Variants in CNTN4 observed in about 807,000 individuals in gnomAD.
CNTN4 encodes contactin-4.
A neutral mutation model predicts 122.5 loss-of-function variants in CNTN4; 77 were observed. That is an observed-to-expected ratio of 0.63 (90% CI 0.52 to 0.76). The LOEUF (loss-of-function observed/expected upper bound fraction) is 0.76. Among genes scored for constraint, CNTN4 ranks in the 30% least tolerant of loss-of-function variants. The pLI is 0.00. For synonymous variants in CNTN4, 512 were observed against 447.0 expected (o/e 1.15, Z -1.83); for missense variants, 1,256 against 1,259.1 (o/e 1.00, Z 0.04).
At chr3:2,396,925 C>A (rs2150934827) in intron 3 of CNTN4, among the ~76,000 whole-genome samples, 2 of 152,214 alleles carry the variant, frequency 1.3e-5, no homozygotes, top group Middle Eastern at 6.8e-3. Context: ...GGATATTCAA[C>A]CCAACAAACT....
intron 2 of CNTN4, among the ~76,000 whole-genome samples, chr3:2,157,599 G>C (rs1366256895): frequency 6.6e-6 from 1 of 152,150 alleles, no homozygotes; most frequent in African/African-American, 2.4e-5. Flanking sequence ...AGGTATTTAA[G>C]ATATGAATGT....
chr3:2,732,947 T>C (rs373420795), intron 4 of CNTN4, among the ~76,000 whole-genome samples: 5 of 152,184 alleles, frequency 3.3e-5, no homozygotes, highest in Non-Finnish European at 7.4e-5. Context: ...TGGTTAACTA[T>C]GAGAAAATAA....
intron 2 of CNTN4, among the ~76,000 whole-genome samples, chr3:2,170,494 A>G (rs976358642): frequency 7.2e-5 from 11 of 152,120 alleles, no homozygotes; most frequent in Non-Finnish European, 1.5e-4. Flanking sequence ...AAGTAAACAC[A>G]CTCTCCTCCT....
At chr3:2,849,396 G>T (rs527808592) in intron 7 of CNTN4, among the ~76,000 whole-genome samples, 1 of 152,300 alleles carries the variant, frequency 6.6e-6, no homozygotes, top group East Asian at 1.9e-4. Context: ...ACTTACAAAT[G>T]ATTAAAATGG....
intron 13 of CNTN4, among the ~76,000 whole-genome samples, chr3:2,930,985 A>G (rs2094515392): frequency 6.6e-6 from 1 of 152,226 alleles, no homozygotes; most frequent in Non-Finnish European, 1.5e-5. Flanking sequence ...GAGGCCTTGT[A>G]TTTTATGTCT....
At chr3:2,445,959 A>G (rs2048611385) in intron 3 of CNTN4, among the ~76,000 whole-genome samples, 1 of 152,108 alleles carries the variant, frequency 6.6e-6, no homozygotes, top group Non-Finnish European at 1.5e-5. Context: ...ACTACATCCT[A>G]TTCTTTTTTC....
At chr3:2,260,422 A>T (rs893148867) in intron 2 of CNTN4, among the ~76,000 whole-genome samples, 1 of 152,140 alleles carries the variant, frequency 6.6e-6, no homozygotes, top group Non-Finnish European at 1.5e-5. Flanking sequence ...AATAAATGTG[A>T]AAATGTACAT....
intron 13 of CNTN4, among the ~76,000 whole-genome samples, chr3:2,944,428 T>C (rs929211353): frequency 6.6e-6 from 1 of 152,188 alleles, no homozygotes; most frequent in African/African-American, 2.4e-5. Context: ...ATTCATTTTC[T>C]TTCTGATAAT....
At chr3:2,819,137 C>T (rs2092807315) in intron 6 of CNTN4, among the ~76,000 whole-genome samples, 1 of 152,188 alleles carries the variant, frequency 6.6e-6, no homozygotes, top group African/African-American at 2.4e-5. Flanking sequence ...TGATGGAAGT[C>T]TTCTGTGTCT....
At chr3:2,134,165 T>C (rs1236680146) in intron 2 of CNTN4, among the ~76,000 whole-genome samples, 1 of 152,188 alleles carries the variant, frequency 6.6e-6, no homozygotes, top group Non-Finnish European at 1.5e-5. Flanking sequence ...TTTGTGTCAT[T>C]TGCCTCTCAG....
intron 2 of CNTN4, among the ~76,000 whole-genome samples, chr3:2,241,457 A>G (rs893723427): frequency 1.4e-4 from 22 of 151,798 alleles, no homozygotes; most frequent in Admixed American, 1.3e-3. Flanking sequence ...ATTTGCTCCT[A>G]TCTCTCTGTC....
intron 4 of CNTN4, among the ~76,000 whole-genome samples, chr3:2,585,381 C>T (rs1263339831): frequency 1.3e-5 from 2 of 151,556 alleles, no homozygotes; most frequent in Admixed American, 1.3e-4. Flanking sequence ...TATAAAGACA[C>T]ATGCACACGT....
chr3:2,332,907 C>G (rs1388302649), intron 2 of CNTN4, among the ~76,000 whole-genome samples: 1 of 152,038 alleles, frequency 6.6e-6, no homozygotes. Flanking sequence ...AAAAATAAGA[C>G]TTTTTCCTAT....
chr3:2,301,791 A>T (rs1288597579), intron 2 of CNTN4, among the ~76,000 whole-genome samples: 1 of 152,252 alleles, frequency 6.6e-6, no homozygotes, highest in African/African-American at 2.4e-5. Flanking sequence ...AGAAGTCTCC[A>T]TAAGGTATTC....
chr3:2,887,237 T>A lies in CNTN4; in HGVS notation c.940+13T>A. Reference sequence around the variant, plus strand: ...CTAACTTTCTATGGTAAGTGTATGATTTCAGTTTATCATTTATAGTGCTAC... The same window carrying A: ...CTAACTTTCTATGGTAAGTGTATGAATTCAGTTTATCATTTATAGTGCTAC... On this transcript the variant is annotated intron_variant, in intron 10 of 24. Coordinates refer to ENST00000418658, the MANE Select transcript of CNTN4 (RefSeq NM_175607.3). 6.2e-7 allele frequency: 1 copy of A among 1,609,480 alleles called. No homozygotes were observed. Among genetic ancestry groups the A allele is most frequent in the Non-Finnish European group, 8.5e-7 (1 of 1,178,560 alleles).
chr3:2,459,316 C>G (rs1272656642), intron 3 of CNTN4, among the ~76,000 whole-genome samples: 1 of 152,018 alleles, frequency 6.6e-6, no homozygotes, highest in African/African-American at 2.4e-5. Flanking sequence ...ATAAAATGTG[C>G]ATTTAGAATT....
At chr3:2,629,220 G>A (rs1351278) in intron 4 of CNTN4, among the ~76,000 whole-genome samples, 12,537 of 152,078 alleles carry the variant, frequency 0.082, 1,085 homozygotes, top group African/African-American at 0.23. Context: ...AGGCCCTGTG[G>A]GGACACAAAG....
chr3:2,883,678 C>G (rs6798383), intron 9 of CNTN4, among the ~76,000 whole-genome samples: 10,245 of 152,238 alleles, frequency 0.067, 427 homozygotes, highest in African/African-American at 0.11. Flanking sequence ...TTTTTAAACT[C>G]TCAGTCTCTT....
At chr3:2,804,641 A>G (rs894329320) in intron 6 of CNTN4, among the ~76,000 whole-genome samples, 1 of 152,146 alleles carries the variant, frequency 6.6e-6, no homozygotes, top group African/African-American at 2.4e-5. Flanking sequence ...GGAAGGTGTG[A>G]GCATTGCTCT....
Sources: gnomAD v4.1 joint callset for allele counts (sites outside exome capture counted in the v4.1 genomes callset) on GRCh38, gnomAD v4.1.1 for gene constraint, MANE v1.5 for transcripts, NCBI Gene and HGNC (gene_info 2026-07-23, HGNC 2026-07-21) for gene names.